TMEFF2: variants seen among roughly 807,000 people sequenced by gnomAD.
TMEFF2 encodes the protein transmembrane protein with EGF like and two follistatin like domains 2, also known as tomoregulin-2.
In TMEFF2, 28 loss-of-function variants were observed where a neutral mutation model predicts 53.8. The ratio of observed to expected loss-of-function variants is 0.52; its 90% CI spans 0.39 to 0.71. TMEFF2 has a LOEUF of 0.71. Ranked by LOEUF, TMEFF2 falls within the 30% of genes least tolerant of loss-of-function variation. The pLI, the probability that TMEFF2 is intolerant of heterozygous loss-of-function variation, is 0.00. For missense variants in TMEFF2, 353 were observed against 455.2 expected, an observed-to-expected ratio of 0.78 and a Z score of 2.04; for synonymous variants, 162 against 166.3, an observed-to-expected ratio of 0.97 and a Z score of 0.20.
At chr2:191,962,266 T>C (rs991167573) in intron 7 of TMEFF2, among the ~76,000 whole-genome samples, 10 of 152,208 alleles carry the variant, frequency 6.6e-5, no homozygotes, top group Admixed American at 4.6e-4. Flanking sequence ...ACAGGATGGA[T>C]GCAAACAAAC....
intron 5 of TMEFF2, among the ~76,000 whole-genome samples, chr2:192,049,007 G>C (rs981113692): frequency 2.0e-4 from 30 of 152,302 alleles, no homozygotes; most frequent in Non-Finnish European, 4.3e-4. Flanking sequence ...TTTATATACT[G>C]AGTGAAAAAG....
chr2:192,126,940 AT>A (rs1210092794), intron 4 of TMEFF2, among the ~76,000 whole-genome samples: 1 of 152,158 alleles, frequency 6.6e-6, no homozygotes, highest in African/African-American at 2.4e-5. Flanking sequence ...ATAGAAGTTA[AT>A]TTTTGCTTTG....
intron 7 of TMEFF2, among the ~76,000 whole-genome samples, chr2:191,976,823 C>G (rs935359555): frequency 6.6e-6 from 1 of 152,200 alleles, no homozygotes; most frequent in African/African-American, 2.4e-5. Flanking sequence ...CCTATACACA[C>G]TTATGAAGTA....
chr2:192,189,555 C>CAAAAAAA (rs58455898), intron 2 of TMEFF2, among the ~76,000 whole-genome samples: 1 of 41,102 alleles, frequency 2.4e-5, no homozygotes, highest in Non-Finnish European at 4.5e-5. Context: ...CCAAAAATTC[C>CAAAAAAA]AAAAAAAAAA....
At chr2:191,991,243 C>G (rs1686097608) in intron 7 of TMEFF2, among the ~76,000 whole-genome samples, 1 of 151,946 alleles carries the variant, frequency 6.6e-6, no homozygotes, top group Non-Finnish European at 1.5e-5. Context: ...TGTTAGATGA[C>G]TTGGGTAGGA....
chr2:191,966,057 T>C (rs4569415), intron 7 of TMEFF2, among the ~76,000 whole-genome samples: 31,192 of 151,878 alleles, frequency 0.21, 3,300 homozygotes, highest in Middle Eastern at 0.26. Context: ...GATGAATACA[T>C]AGTTTTTAAA....
intron 4 of TMEFF2, among the ~76,000 whole-genome samples, chr2:192,119,413 G>A (rs1414902109): frequency 2.6e-5 from 4 of 152,116 alleles, no homozygotes; most frequent in Admixed American, 2.0e-4. Context: ...GATAGGTAGT[G>A]CTAAAGACTT....
At chr2:192,060,300 C>T (rs532184835) in intron 4 of TMEFF2, among the ~76,000 whole-genome samples, 18 of 152,214 alleles carry the variant, frequency 1.2e-4, no homozygotes, top group Non-Finnish European at 1.6e-4. Flanking sequence ...TCATTAGGTG[C>T]GAGGTATGGT....
At chr2:192,126,932 A>G (rs115008010) in intron 4 of TMEFF2, among the ~76,000 whole-genome samples, 5,954 of 152,340 alleles carry the variant, frequency 0.039, 146 homozygotes, top group Middle Eastern at 0.12. Flanking sequence ...ATTTCAATAT[A>G]GAAGTTAATT....
At chr2:192,165,250 T>C (rs557722051) in intron 4 of TMEFF2, among the ~76,000 whole-genome samples, 2 of 152,270 alleles carry the variant, frequency 1.3e-5, no homozygotes, top group Admixed American at 6.5e-5. Flanking sequence ...AAAGGGAAAC[T>C]TTGGAGGTCC....
At position 191,963,466 on chromosome 2, in the gene TMEFF2, T is replaced by C. The variant is rs190438361; in HGVS notation, c.746-7088A>G. Among the ~76,000 whole-genome samples, 281 of 152,224 alleles carry C rather than the reference T, an allele frequency of 1.8e-3. 9 individuals are homozygous for C. The highest frequency in any genetic ancestry group is 0.011 in the East Asian group (57 of 5,178). On this transcript the variant is annotated intron_variant, in intron 7 of 9. Transcript: ENST00000272771. ...TTCTGGGCCATGTGAGCCAAGCAGT[T>C]TTCTTCTTTGTAGGCTGCGTGTGCA...
At chr2:191,998,096 A>C (rs1337827660) in intron 7 of TMEFF2, among the ~76,000 whole-genome samples, 166 bp downstream of exon 7, 2 of 151,920 alleles carry the variant, frequency 1.3e-5, no homozygotes, top group African/African-American at 4.8e-5. Flanking sequence ...TCTTTGCTTC[A>C]ACAAAAAATT....
At chr2:192,081,219 A>G (rs1406529607) in intron 4 of TMEFF2, among the ~76,000 whole-genome samples, 1 of 152,238 alleles carries the variant, frequency 6.6e-6, no homozygotes, top group African/African-American at 2.4e-5. Flanking sequence ...AAATCTGCAG[A>G]AAATGCAGTG....
chr2:192,154,573 C>T (rs1384885197), intron 4 of TMEFF2, among the ~76,000 whole-genome samples: 2 of 151,900 alleles, frequency 1.3e-5, no homozygotes, highest in Non-Finnish European at 2.9e-5. Context: ...TGAATTTTAT[C>T]ACTTATTTCA....
chr2:192,157,173 C>G (rs1314792152), intron 4 of TMEFF2, among the ~76,000 whole-genome samples: 2 of 151,998 alleles, frequency 1.3e-5, no homozygotes, highest in Non-Finnish European at 2.9e-5. Context: ...TTCTTTAGAA[C>G]AGAAGGTGTT....
At chr2:192,164,982 G>C (rs1310706807) in intron 4 of TMEFF2, among the ~76,000 whole-genome samples, 1 of 149,558 alleles carries the variant, frequency 6.7e-6, no homozygotes, top group Non-Finnish European at 1.5e-5. Context: ...TAAAAACTGT[G>C]TGTGTGTGTG....
chr2:191,963,688 GT>G (rs1429544667), intron 7 of TMEFF2, among the ~76,000 whole-genome samples: 1 of 152,202 alleles, frequency 6.6e-6, no homozygotes, highest in African/African-American at 2.4e-5. Context: ...TATTTCTTGA[GT>G]AGCTATTATG....
chr2:192,036,543 A>G (rs1323564446), intron 5 of TMEFF2: 1 of 152,216 alleles, frequency 6.6e-6, no homozygotes, highest in East Asian at 1.9e-4. Flanking sequence ...TCCTGAATAA[A>G]TATCTGGAAT....
At chr2:192,004,868 G>A (rs1261054967) in intron 5 of TMEFF2, among the ~76,000 whole-genome samples, 1 of 152,168 alleles carries the variant, frequency 6.6e-6, no homozygotes, top group East Asian at 1.9e-4. Flanking sequence ...CATGTCACAA[G>A]TATTTTATGT....
Sources: allele counts gnomAD v4.1 joint callset (sites outside exome capture counted in the v4.1 genomes callset), GRCh38; gene constraint gnomAD v4.1.1; transcripts MANE v1.5; gene names NCBI Gene and HGNC (gene_info 2026-07-23, HGNC 2026-07-21).